BTAF1: variants seen among roughly 807,000 people sequenced by gnomAD.
BTAF1 encodes B-TFIID TATA-box binding protein associated factor 1, also known as TATA-binding protein-associated factor 172.
BTAF1 carries 38 observed loss-of-function variants against 227.1 expected under a neutral mutation model. The observed-to-expected ratio is 0.17, with a 90% confidence interval of 0.13 to 0.22. The LOEUF (loss-of-function observed/expected upper bound fraction) is 0.22. Ranked by LOEUF, BTAF1 falls within the 10% of genes least tolerant of loss-of-function variation. The probability of loss-of-function intolerance (pLI) is 1.00; values close to 1 mark genes in which losing one functional copy is unlikely to be tolerated. For missense variants in BTAF1, 1,598 were observed against 2,204.0 expected, an observed-to-expected ratio of 0.73 and a Z score of 5.51; for synonymous variants, 742 against 751.9, an observed-to-expected ratio of 0.99 and a Z score of 0.21.
At chr10:92,013,197 C>T (rs1052120123) in intron 30 of BTAF1, among the ~76,000 whole-genome samples, 3 of 152,116 alleles carry the variant, frequency 2.0e-5, no homozygotes, top group Non-Finnish European at 4.4e-5. Flanking sequence ...CATGAAACTT[C>T]GATGGTAGAA....
rs1848157780 is a variant in BTAF1 at position 91,982,768 on chromosome 10, T to C, written c.2223+7T>C. Reference sequence around the variant, plus strand: ...ATGGGCTGCTTTACAAAAGGTAAGATTTTGCCCCAAAAGTAATAAAGACAA... The same window carrying C: ...ATGGGCTGCTTTACAAAAGGTAAGACTTTGCCCCAAAAGTAATAAAGACAA... On this transcript the variant is annotated splice_region_variant and intron_variant, in intron 18 of 37. Coordinates refer to ENST00000265990, the MANE Select transcript of BTAF1 (RefSeq NM_003972.3). The C allele has an allele frequency of 6.3e-7, 1 of 1,591,832 alleles. No homozygotes were observed. The highest frequency in any genetic ancestry group is 8.6e-7 in the Non-Finnish European group (1 of 1,168,016).
chr10:92,026,493 T>C (rs1285010375), intron 35 of BTAF1, 99 bp from the exon 36 acceptor site: 1 of 1,016,082 alleles, frequency 9.8e-7, no homozygotes, highest in Admixed American at 2.8e-5. Context: ...TTGTGGATTT[T>C]TAAAGCAGCA....
chr10:92,026,526 T>C (rs1273588765), intron 35 of BTAF1, 66 bp from the exon 36 acceptor site: 1 of 1,309,686 alleles, frequency 7.6e-7, no homozygotes, highest in African/African-American at 1.5e-5. Flanking sequence ...CTCTTTAATT[T>C]TTATTAACAG....
At chr10:92,007,980 C>CA (rs1361733217) in intron 25 of BTAF1, 143 bp from the exon 26 acceptor site, 2 of 718,732 alleles carry the variant, frequency 2.8e-6, no homozygotes, top group Non-Finnish European at 4.5e-6. Flanking sequence ...TAATGCTTGT[C>CA]AATTTCTTTA....
At chr10:91,954,713 A>C (rs1321228438) in intron 6 of BTAF1, among the ~76,000 whole-genome samples, 1 of 152,060 alleles carries the variant, frequency 6.6e-6, no homozygotes, top group Admixed American at 6.5e-5. Flanking sequence ...GTGAACCACC[A>C]TGTGTGGCTA....
At chr10:92,002,091 T>C (rs1849589939) in intron 25 of BTAF1, among the ~76,000 whole-genome samples, 1 of 150,746 alleles carries the variant, frequency 6.6e-6, no homozygotes, top group Admixed American at 6.6e-5. Flanking sequence ...ATGACCCAAA[T>C]TGAACTTCTA....
chr10:91,955,442 T>C (rs1312071181), intron 6 of BTAF1, among the ~76,000 whole-genome samples: 2 of 152,094 alleles, frequency 1.3e-5, no homozygotes, highest in East Asian at 3.9e-4. Context: ...TGTGTGTATA[T>C]ATGTGTGTAT....
chr10:92,015,970 A>G (rs2134140767), intron 32 of BTAF1, among the ~76,000 whole-genome samples: 1 of 152,096 alleles, frequency 6.6e-6, no homozygotes, highest in East Asian at 1.9e-4. Flanking sequence ...GATTTTTCTC[A>G]TTTACTTCTA....
chr10:91,999,546 C>T (rs965884110), intron 25 of BTAF1, among the ~76,000 whole-genome samples: 1 of 152,184 alleles, frequency 6.6e-6, no homozygotes, highest in Admixed American at 6.5e-5. Context: ...AGGCATGCGC[C>T]ACTGCGCCCT....
At chr10:91,984,896 A>G (rs1321473337) in intron 19 of BTAF1, among the ~76,000 whole-genome samples, 1 of 152,178 alleles carries the variant, frequency 6.6e-6, no homozygotes, top group African/African-American at 2.4e-5. Flanking sequence ...GAATCCATCC[A>G]GGGCAGTTTT....
chr10:91,923,841 G>A lies in BTAF1; in HGVS notation c.-236G>A, dbSNP rs887904250. 180 of 449,962 alleles carry A rather than the reference G, an allele frequency of 4.0e-4. 1 individual carries two copies. In the East Asian group the frequency reaches 6.2e-3, roughly 16 times the overall value. The allele number at this position is 449,962 out of a possible 1,614,324, so 27.9% of individuals were successfully genotyped here. A position where few individuals can be genotyped will look rare whatever the true frequency, so the allele number is the denominator to read the frequency against. ...TACCCGGTTTGAAGTCGTGCGGGTC[G>A]GAGGACTGCCGCCTCCGCTACCGTC... On this transcript the variant is annotated 5_prime_UTR_variant, in exon 1 of 38. Coordinates refer to ENST00000265990, the MANE Select transcript of BTAF1 (RefSeq NM_003972.3).
intron 25 of BTAF1, among the ~76,000 whole-genome samples, chr10:92,001,215 A>G (rs1849503775): frequency 6.6e-6 from 1 of 152,230 alleles, no homozygotes; most frequent in African/African-American, 2.4e-5. Context: ...CTGAAGAGTT[A>G]AGACAGAATT....
Position 92,024,795 on chromosome 10 carries a change from G to A in BTAF1, c.4903G>A (p.Glu1635Lys), listed in dbSNP as rs773772641. ...CGGTTTGGGAAATGGCAGCACTTCCGAGAGTGGCACAGAGTCTGTTGTGGC... is the reference window on the plus strand; with the variant it reads ...CGGTTTGGGAAATGGCAGCACTTCCAAGAGTGGCACAGAGTCTGTTGTGGC... ...DCGLGNGSTS[E>K]SGTESVVAQH... Residue 1635 changes from glutamate (E) to lysine (K), a missense_variant, in exon 35 of 38, where the codon GAG becomes AAG. By Grantham distance (56) the Glu-to-Lys change is moderately conservative. Around this residue, in one of 10 missense-constraint regions of BTAF1, gnomAD observed 205 missense variants for 244.5 expected, o/e 0.84. Coordinates refer to ENST00000265990, the MANE Select transcript of BTAF1 (RefSeq NM_003972.3). The A allele has an allele frequency of 3.1e-6, 5 of 1,611,436 alleles. No homozygotes were observed. Among genetic ancestry groups the A allele is most frequent in the Non-Finnish European group, 4.2e-6 (5 of 1,179,536 alleles).
At chr10:92,025,581 T>C (rs1851445692) in intron 35 of BTAF1, among the ~76,000 whole-genome samples, 1 of 151,258 alleles carries the variant, frequency 6.6e-6, no homozygotes, top group Non-Finnish European at 1.5e-5. Flanking sequence ...CCAAGGTGGG[T>C]GGATTACTTG....
In BTAF1 at chr10:91,940,015, G is replaced by A; in HGVS notation, c.202G>A (p.Ala68Thr). The stretch of plus-strand genomic sequence containing the variant: ...GATTGCAGCAGGACAAGCTGTTGAA[G>A]CTATAGTGAAAAATGTACCTGAGTG... ...TRIAAGQAVE[A>T]IVKNVPEWNP... Residue 68 changes from alanine to threonine, a missense_variant, in exon 3 of 38, where the codon GCT becomes ACT. Transcript: ENST00000265990. The A allele has an allele frequency of 6.2e-7, 1 of 1,613,170 alleles. No homozygotes were observed. Among genetic ancestry groups the A allele is most frequent in the Non-Finnish European group, 8.5e-7 (1 of 1,179,390 alleles).
chr10:91,928,759 ATCCC>A (rs1323033069), intron 1 of BTAF1, among the ~76,000 whole-genome samples: 2 of 33,410 alleles, frequency 6.0e-5, no homozygotes, highest in African/African-American at 3.2e-4. Flanking sequence ...GCAAGAATCC[ATCCC>A]CCCCCCCCCC....
At chr10:91,942,691 T>C in intron 4 of BTAF1, 123 bp downstream of exon 4, 1 of 1,134,290 alleles carries the variant, frequency 8.8e-7, no homozygotes, top group Non-Finnish European at 1.2e-6. Context: ...TAACTGAAGT[T>C]TGCAGGTGGC....
intron 6 of BTAF1, 75 bp downstream of exon 6, chr10:91,953,948 A>G (rs1374386396): frequency 9.7e-6 from 15 of 1,549,856 alleles, no homozygotes; most frequent in Non-Finnish European, 1.3e-5. Context: ...CTTGATTTAT[A>G]GAAACATTCT....
intron 35 of BTAF1, among the ~76,000 whole-genome samples, chr10:92,025,625 GGTGAAACCCT>G (rs1851447995): frequency 6.6e-6 from 1 of 151,696 alleles, no homozygotes; most frequent in Non-Finnish European, 1.5e-5. Context: ...TGGCCAACAT[GGTGAAACCCT>G]GTCTCTACTA....
Sources: allele counts gnomAD v4.1 joint callset (sites outside exome capture counted in the v4.1 genomes callset), GRCh38; gene constraint gnomAD v4.1.1; regional missense constraint gnomAD v4.1.1; transcripts MANE v1.5; gene names NCBI Gene and HGNC (gene_info 2026-07-23, HGNC 2026-07-21).